The following SHROOM4 variants were observed in gnomAD, a reference collection of about 807,000 sequenced individuals.
SHROOM4 encodes the protein shroom family member 4, also known as protein Shroom4.
Under a neutral mutation model 80.3 loss-of-function variants are expected in SHROOM4, and 17 were observed. That is an observed-to-expected ratio of 0.21 (90% confidence interval 0.14 to 0.32). The LOEUF (loss-of-function observed/expected upper bound fraction) is 0.32. SHROOM4 is among the 10% of genes least tolerant of loss of function. The pLI is 1.00. For missense variants in SHROOM4, 993 were observed against 1,140.3 expected (o/e 0.87, Z 1.86); for synonymous variants, 400 against 437.5 (o/e 0.91, Z 1.07).
Position 50,814,153 on chromosome X carries a change from T to A in SHROOM4, c.-135A>T, listed in dbSNP as rs1936411340. On this transcript the variant is annotated 5_prime_UTR_variant, in exon 1 of 9. Transcript: ENST00000376020. ...GCCCTGCTCCGCCTACTCTCCCGGC[T>A]GGAGACGCTCAGGCAGCGAGCGAGC... 3 of 489,000 alleles carry A rather than the reference T, an allele frequency of 6.1e-6. No individual in the cohort carries two copies. Among genetic ancestry groups the A allele is most frequent in the Non-Finnish European group, 1.1e-5 (3 of 274,031 alleles). The allele number at this position is 489,000 out of a possible 1,213,427, so 40.3% of individuals were successfully genotyped here. A position where few individuals can be genotyped will look rare whatever the true frequency, so the allele number is the denominator to read the frequency against.
chrX:50,717,045 G>T (rs1381958374), intron 1 of SHROOM4, among the ~76,000 whole-genome samples: 1 of 112,342 alleles, frequency 8.9e-6, no homozygotes, highest in South Asian at 3.7e-4. Flanking sequence ...TAAAGATAGG[G>T]CTCCAGTCAT....
intron 5 of SHROOM4, among the ~76,000 whole-genome samples, chrX:50,624,947 A>T (rs188931996): frequency 5.4e-5 from 6 of 111,905 alleles, no homozygotes; most frequent in Admixed American, 3.8e-4. Flanking sequence ...TCAAACTAGA[A>T]TTATCAAAGT....
At chrX:50,665,040 A>G (rs782794335) in intron 2 of SHROOM4, among the ~76,000 whole-genome samples, 2 of 111,184 alleles carry the variant, frequency 1.8e-5, no homozygotes, top group African/African-American at 3.3e-5. Flanking sequence ...CTCCTAATGC[A>G]TACATTATTA....
At chrX:50,663,238 A>G (rs1398637732) in intron 2 of SHROOM4, among the ~76,000 whole-genome samples, 6 of 111,765 alleles carry the variant, frequency 5.4e-5, no homozygotes, top group African/African-American at 2.0e-4. Context: ...ATTGATGCCA[A>G]GCCTAGCTCT....
Position 50,634,690 on chromosome X carries a change from G to A in SHROOM4, c.1383C>T (p.Cys461=), listed in dbSNP as rs1557255285. ...HSSHKGKKSP[C]PPTGGTHDQS... ...GGTCATGGGTTCCTCCTGTAGGGGG[G>A]CATGGACTTTTCTTCCCTTTGTGGC... The change falls in exon 4 of 9, where the codon TGC becomes TGT. Residue 461 remains cysteine (C), a synonymous_variant. Transcript: ENST00000376020. 6 of 1,211,741 alleles carry A rather than the reference G, an allele frequency of 5.0e-6. No individual in the cohort carries two copies. The South Asian group carries it at 7.0e-5, about 14-fold the overall frequency.
At chrX:50,669,583 G>A (rs1200265290) in intron 2 of SHROOM4, among the ~76,000 whole-genome samples, 7 of 111,618 alleles carry the variant, frequency 6.3e-5, no homozygotes, top group African/African-American at 2.3e-4. Context: ...TTACAGGCGT[G>A]AGCCACCGTG....
At chrX:50,658,723 A>G (rs1569547161) in intron 2 of SHROOM4, among the ~76,000 whole-genome samples, 1 of 111,573 alleles carries the variant, frequency 9.0e-6, no homozygotes, top group African/African-American at 3.3e-5. Flanking sequence ...TAAAAGGGAA[A>G]GCCTCCCAGA....
chrX:50,746,027 A>G (rs782542118), intron 1 of SHROOM4, among the ~76,000 whole-genome samples: 1 of 112,041 alleles, frequency 8.9e-6, no homozygotes, highest in African/African-American at 3.2e-5. Context: ...ACACATGTTT[A>G]GCACACACCT....
In SHROOM4 at chrX:50,725,779, T is replaced by C. The variant is rs782234610; in HGVS notation, c.118-29842A>G. 8.0e-5 allele frequency among the ~76,000 whole-genome samples: 9 copies of C among 112,574 alleles called. No homozygotes were observed. In the East Asian group the frequency reaches 1.1e-3, roughly 14 times the overall value. ...CATAAATTACCCAGTCTCAGGTAGT[T>C]CTTTATAGCAGTGTGAAAACAGACT... On this transcript the variant is annotated intron_variant, in intron 1 of 8. Coordinates refer to ENST00000376020, the MANE Select transcript of SHROOM4 (RefSeq NM_020717.5).
At chrX:50,765,117 T>C (rs966213573) in intron 1 of SHROOM4, among the ~76,000 whole-genome samples, 10 of 111,707 alleles carry the variant, frequency 9.0e-5, no homozygotes, top group African/African-American at 3.3e-4. Flanking sequence ...ATGGCAATTA[T>C]GGGAGCTACA....
At chrX:50,656,580 T>G (rs1174040646) in intron 2 of SHROOM4, among the ~76,000 whole-genome samples, 3 of 111,836 alleles carry the variant, frequency 2.7e-5, no homozygotes, top group Non-Finnish European at 5.7e-5. Flanking sequence ...GATTTATTTT[T>G]GGGCTCTCTC....
At chrX:50,808,122 G>C (rs1381254349) in intron 1 of SHROOM4, among the ~76,000 whole-genome samples, 1 of 111,528 alleles carries the variant, frequency 9.0e-6, no homozygotes, top group Non-Finnish European at 1.9e-5. Flanking sequence ...CTAGGGCTCT[G>C]CTAGAAAAGT....
At chrX:50,782,710 T>A (rs1935655858) in intron 1 of SHROOM4, among the ~76,000 whole-genome samples, 1 of 112,006 alleles carries the variant, frequency 8.9e-6, no homozygotes, top group Non-Finnish European at 1.9e-5. Context: ...TATGCAACAA[T>A]GTGGATGAAT....
At chrX:50,788,626 T>G (rs782396073) in intron 1 of SHROOM4, among the ~76,000 whole-genome samples, 2 of 105,971 alleles carry the variant, frequency 1.9e-5, no homozygotes, top group East Asian at 5.9e-4. Context: ...AAAAAAAAAA[T>G]TATAAGACAG....
At chrX:50,671,537 T>C (rs1381976152) in intron 2 of SHROOM4, among the ~76,000 whole-genome samples, 1 of 112,529 alleles carries the variant, frequency 8.9e-6, no homozygotes, top group Non-Finnish European at 1.9e-5. Context: ...TGCACTTTTA[T>C]GTTATAGAGA....
chrX:50,719,194 G>A (rs1187548312), intron 1 of SHROOM4, among the ~76,000 whole-genome samples: 10 of 111,726 alleles, frequency 9.0e-5, no homozygotes, highest in African/African-American at 2.6e-4. Context: ...ATGTAGAGAC[G>A]GGAAAAGTCC....
At chrX:50,747,903 A>C (rs1557267766) in intron 1 of SHROOM4, among the ~76,000 whole-genome samples, 2 of 111,975 alleles carry the variant, frequency 1.8e-5, no homozygotes. Context: ...CTCATGAATC[A>C]TGGGTATTAC....
intron 4 of SHROOM4, among the ~76,000 whole-genome samples, chrX:50,628,812 C>T (rs1557253598): frequency 8.9e-6 from 1 of 112,262 alleles, no homozygotes; most frequent in Non-Finnish European, 1.9e-5. Context: ...TAGCACATTG[C>T]TTGGCACATA....
intron 1 of SHROOM4, among the ~76,000 whole-genome samples, chrX:50,748,111 A>G (rs556443301): frequency 1.1e-3 from 126 of 111,849 alleles, no homozygotes; most frequent in Admixed American, 2.8e-3. Context: ...GGTCCCATAT[A>G]TGATAGTATC....
Sources: gnomAD v4.1 joint callset for allele counts (sites outside exome capture counted in the v4.1 genomes callset) on GRCh38, gnomAD v4.1.1 for gene constraint, MANE v1.5 for transcripts, NCBI Gene and HGNC (gene_info 2026-07-23, HGNC 2026-07-21) for gene names.